Variants in ANKRD55 observed in about 807,000 individuals in gnomAD.
ANKRD55 encodes ankyrin repeat domain-containing protein 55.
ANKRD55 carries 41 observed loss-of-function variants against 60.6 expected under a neutral mutation model. The observed-to-expected ratio is 0.68, with a 90% confidence interval of 0.53 to 0.88. The LOEUF is 0.88. Among genes scored for constraint, ANKRD55 ranks in the 40% least tolerant of loss-of-function variants. The pLI is 0.00. For missense variants in ANKRD55, 732 were observed against 767.6 expected, an observed-to-expected ratio of 0.95 and a Z score of 0.55; for synonymous variants, 264 against 290.3, an observed-to-expected ratio of 0.91 and a Z score of 0.92.
chr5:56,135,275 C>CTT (rs1561263838), intron 7 of ANKRD55, among the ~76,000 whole-genome samples: 2,679 of 104,028 alleles, frequency 0.026, 119 homozygotes, highest in Non-Finnish European at 0.033. Context: ...TCCCTCCCTC[C>CTT]CTCCCTGCCT....
intron 8 of ANKRD55, among the ~76,000 whole-genome samples, chr5:56,120,161 C>T (rs759372525): frequency 1.3e-4 from 20 of 152,018 alleles, no homozygotes; most frequent in African/African-American, 3.1e-4. Context: ...CTCAGCCTCC[C>T]GAGTAGCTGG....
intron 2 of ANKRD55, among the ~76,000 whole-genome samples, chr5:56,196,698 C>A (rs1008457332): frequency 2.6e-5 from 4 of 152,086 alleles, no homozygotes; most frequent in African/African-American, 9.7e-5. Flanking sequence ...GCCAGTAATA[C>A]CCAAATTAAC....
intron 2 of ANKRD55, among the ~76,000 whole-genome samples, chr5:56,220,657 A>T (rs1289857481): frequency 6.6e-6 from 1 of 152,172 alleles, no homozygotes; most frequent in East Asian, 1.9e-4. Context: ...CTACAAAAAT[A>T]CGAAAATTAG....
rs376179217 is a variant in ANKRD55, at chr5:56,154,155, C to T, written c.483+5678G>A. 2.9e-3 allele frequency among the ~76,000 whole-genome samples: 406 copies of T among 140,308 alleles called. 4 individuals are homozygous for T. Among genetic ancestry groups the T allele is most frequent in the African/African-American group, 0.011 (395 of 37,584 alleles). The allele number at this position is 140,308 out of a possible 152,430, so 92.0% of individuals were successfully genotyped here. A position where few individuals can be genotyped will look rare whatever the true frequency, so the allele number is the denominator to read the frequency against. On this transcript the variant is annotated intron_variant, in intron 6 of 11. Coordinates refer to ENST00000341048, the MANE Select transcript of ANKRD55 (RefSeq NM_024669.3). ...GGTGGAGCTTGCAGTGAGCCAAGATCGCACCACTGCACTCCAGCCTGGGCA... is the reference window on the plus strand; with the variant it reads ...GGTGGAGCTTGCAGTGAGCCAAGATTGCACCACTGCACTCCAGCCTGGGCA...
intron 2 of ANKRD55, among the ~76,000 whole-genome samples, chr5:56,214,589 A>G (rs938672236): frequency 2.0e-5 from 3 of 152,242 alleles, no homozygotes; most frequent in African/African-American, 7.2e-5. Flanking sequence ...AAGCAGCAGC[A>G]CTGGGATCTG....
intron 2 of ANKRD55, among the ~76,000 whole-genome samples, chr5:56,208,953 G>GCTCTTTTT (rs61275185): frequency 0.055 from 8,235 of 151,070 alleles, 780 homozygotes; most frequent in African/African-American, 0.19. Context: ...TTTGTTTTTT[G>GCTCTTTTT]CTCTTTTTCA....
chr5:56,185,770 A>G (rs1485948533), intron 2 of ANKRD55, among the ~76,000 whole-genome samples: 1 of 152,126 alleles, frequency 6.6e-6, no homozygotes, highest in Non-Finnish European at 1.5e-5. Context: ...TTCAGTTCGA[A>G]TTGATCTTTC....
chr5:56,209,252 T>C (rs991748224), intron 2 of ANKRD55, among the ~76,000 whole-genome samples: 1 of 151,874 alleles, frequency 6.6e-6, no homozygotes, highest in Non-Finnish European at 1.5e-5. Flanking sequence ...CCATCGCTGC[T>C]GACCACTTAA....
rs573422547 is a variant in ANKRD55, at chr5:56,205,342, T to C, written c.59-21708A>G. On this transcript the variant is annotated intron_variant, in intron 2 of 11. Transcript: ENST00000341048. ...TCCCAAAGTGCTAGGATTATAGGTG[T>C]GAGCCACTGCACCTGGGCTAGACTT... Among the ~76,000 whole-genome samples, 24 of 152,350 alleles carry C rather than the reference T, an allele frequency of 1.6e-4. No individual in the cohort carries two copies. The South Asian group carries it at 3.3e-3, about 21-fold the overall frequency.
intron 5 of ANKRD55, among the ~76,000 whole-genome samples, chr5:56,167,831 A>G (rs769318680): frequency 3.9e-5 from 6 of 152,216 alleles, no homozygotes; most frequent in Non-Finnish European, 5.9e-5. Flanking sequence ...ACTGATAAGC[A>G]TAATAAGAAA....
intron 7 of ANKRD55, among the ~76,000 whole-genome samples, chr5:56,127,813 A>G (rs537520417): frequency 1.3e-5 from 2 of 152,322 alleles, no homozygotes; most frequent in South Asian, 2.1e-4. Flanking sequence ...ATATCCATAA[A>G]GCAATCTCTG....
At chr5:56,181,572 TG>T (rs1758849491) in intron 3 of ANKRD55, among the ~76,000 whole-genome samples, 2 of 151,900 alleles carry the variant, frequency 1.3e-5, no homozygotes, top group South Asian at 4.1e-4. Context: ...AAACCCTACT[TG>T]GTCATGGTGT....
chr5:56,219,749 T>TGCAGAAA (rs1759916193), intron 2 of ANKRD55, among the ~76,000 whole-genome samples: 1 of 152,236 alleles, frequency 6.6e-6, no homozygotes, highest in Admixed American at 6.5e-5. Flanking sequence ...TTGACCTCAG[T>TGCAGAAA]GCATCCATAC....
In ANKRD55 at chr5:56,176,107, C is replaced by T. The variant is rs775543059; in HGVS notation, c.312+45G>A. ...ACTGGGACCCCATAATGACACCCTT[C>T]GCCTACCCTGCTCCTTCCACCCTGT... On this transcript the variant is annotated intron_variant, in intron 4 of 11. Coordinates refer to ENST00000341048, the MANE Select transcript of ANKRD55 (RefSeq NM_024669.3). 17 of 1,610,122 alleles carry T rather than the reference C, an allele frequency of 1.1e-5. No individual in the cohort carries two copies. The South Asian group carries it at 1.5e-4, about 15-fold the overall frequency.
chr5:56,152,231 C>G (rs4700260), intron 6 of ANKRD55, among the ~76,000 whole-genome samples: 984 of 98,168 alleles, frequency 0.01, 39 homozygotes, highest in East Asian at 0.082. Context: ...AAGTCAGGGA[C>G]TGTTTCTTCT....
chr5:56,155,692 A>G (rs1758174517), intron 6 of ANKRD55, among the ~76,000 whole-genome samples: 1 of 152,012 alleles, frequency 6.6e-6, no homozygotes, highest in Non-Finnish European at 1.5e-5. Flanking sequence ...CTAAAAATGG[A>G]AAAATTAGCC....
intron 2 of ANKRD55, among the ~76,000 whole-genome samples, chr5:56,199,940 T>C (rs551761623): frequency 6.6e-6 from 1 of 151,690 alleles, no homozygotes; most frequent in Non-Finnish European, 1.5e-5. Context: ...AGACCAGTAG[T>C]TGGAGACCAG....
Position 56,232,844 on chromosome 5 carries a change from G to A in ANKRD55, c.58+12C>T. 1 of 1,613,116 alleles carries A rather than the reference G, an allele frequency of 6.2e-7. No homozygotes were observed. Reference sequence around the variant, plus strand: ...GCTAACAACCAAAGAATGTGTTAAAGCAGCATTTTACCTCTTTGCTGATCA... The same window carrying A: ...GCTAACAACCAAAGAATGTGTTAAAACAGCATTTTACCTCTTTGCTGATCA... On this transcript the variant is annotated intron_variant, in intron 2 of 11. Coordinates refer to ENST00000341048, the MANE Select transcript of ANKRD55 (RefSeq NM_024669.3).
chr5:56,148,041 G>A (rs1412855650), intron 6 of ANKRD55, among the ~76,000 whole-genome samples: 1 of 152,212 alleles, frequency 6.6e-6, no homozygotes, highest in African/African-American at 2.4e-5. Context: ...TGCACATAAA[G>A]GCAGATGCTG....
Sources: gnomAD v4.1 joint callset for allele counts (sites outside exome capture counted in the v4.1 genomes callset) on GRCh38, gnomAD v4.1.1 for gene constraint, MANE v1.5 for transcripts, NCBI Gene and HGNC (gene_info 2026-07-23, HGNC 2026-07-21) for gene names.